Variants in BCL2L14 observed in about 807,000 individuals in gnomAD.
BCL2L14 encodes the protein apoptosis facilitator Bcl-2-like protein 14.
Under a neutral mutation model 35.3 loss-of-function variants are expected in BCL2L14, and 27 were observed. The observed-to-expected ratio is 0.76, with a 90% CI of 0.56 to 1.05. BCL2L14 has a LOEUF of 1.05. Ranked by LOEUF, BCL2L14 falls within the 50% of genes least tolerant of loss-of-function variation. The probability of loss-of-function intolerance (pLI) is 0.00; values close to 1 mark genes in which losing one functional copy is unlikely to be tolerated. For synonymous variants in BCL2L14, 139 were observed against 145.9 expected, an observed-to-expected ratio of 0.95 and a Z score of 0.34; for missense variants, 377 against 382.6, an observed-to-expected ratio of 0.99 and a Z score of 0.12.
upstream of BCL2L14, among the ~76,000 whole-genome samples, chr12:12,069,969 C>G (rs181689496): frequency 1.8e-4 from 28 of 152,282 alleles, no homozygotes; most frequent in African/African-American, 6.7e-4. Flanking sequence ...ACTATTCACA[C>G]TTCCTTCATC....
At chr12:12,066,719 T>G (rs948005338), upstream of BCL2L14, among the ~76,000 whole-genome samples, 7 of 149,444 alleles carry the variant, frequency 4.7e-5, no homozygotes, top group African/African-American at 1.7e-4. Context: ...ATTATTATTT[T>G]TTTTTTTTTT....
At chr12:12,051,466 C>A (rs1388368679) in intron 1 of BCL2L14, among the ~76,000 whole-genome samples, 1 of 152,126 alleles carries the variant, frequency 6.6e-6, no homozygotes, top group Non-Finnish European at 1.5e-5. Flanking sequence ...GCTTGAATAC[C>A]TTAACTCGCC....
chr12:12,090,648 A>T lies in BCL2L14; in HGVS notation c.608-131A>T, dbSNP rs1040757980. 1,515 of 484,898 alleles carry T rather than the reference A, an allele frequency of 3.1e-3. 1 individual carries two copies. Among genetic ancestry groups the T allele is most frequent in the Middle Eastern group, 5.1e-3 (9 of 1,772 alleles). The allele number at this position is 484,898 out of a possible 1,614,324, so 30.0% of individuals were successfully genotyped here. A position where few individuals can be genotyped will look rare whatever the true frequency, so the allele number is the denominator to read the frequency against. ...AACTCTGTCTAAAAAATAAAAAATAAAAAAAAAAAAAAGAATTAGCATGCC... is the reference window on the plus strand; with the variant it reads ...AACTCTGTCTAAAAAATAAAAAATATAAAAAAAAAAAAGAATTAGCATGCC... On this transcript the variant is annotated intron_variant, in intron 3 of 5. Coordinates refer to ENST00000308721, the MANE Select transcript of BCL2L14 (RefSeq NM_138723.2).
intron 2 of BCL2L14, among the ~76,000 whole-genome samples, chr12:12,084,881 G>T (rs1408881542): frequency 6.6e-6 from 1 of 151,858 alleles, no homozygotes; most frequent in Non-Finnish European, 1.5e-5. Flanking sequence ...AGACCAGCCT[G>T]GCCAACATGG....
At chr12:12,069,495 C>T (rs1302670773), upstream of BCL2L14, among the ~76,000 whole-genome samples, 1 of 150,896 alleles carries the variant, frequency 6.6e-6, no homozygotes, top group Non-Finnish European at 1.5e-5. Flanking sequence ...GTCAGGAGAT[C>T]GAGGCCATCC....
intron 5 of BCL2L14, among the ~76,000 whole-genome samples, chr12:12,096,977 A>G (rs970248241): frequency 1.1e-4 from 17 of 152,264 alleles, no homozygotes; most frequent in Middle Eastern, 3.4e-3. Context: ...CCCCGTCTCT[A>G]CTAAAAATAC....
intron 2 of BCL2L14, among the ~76,000 whole-genome samples, chr12:12,061,082 A>C (rs1449743418): frequency 9.3e-6 from 1 of 107,670 alleles, no homozygotes; most frequent in African/African-American, 3.7e-5. Flanking sequence ...TCTAGTGCCA[A>C]CTTAGACAAT....
At chr12:12,075,884 T>A (rs183729944) in intron 1 of BCL2L14, among the ~76,000 whole-genome samples, 16 of 152,206 alleles carry the variant, frequency 1.1e-4, no homozygotes, top group African/African-American at 3.6e-4. Context: ...TTTATTTCTC[T>A]GTCCCCTGTA....
intron 5 of BCL2L14, among the ~76,000 whole-genome samples, chr12:12,096,741 T>A (rs1446634673): frequency 6.6e-6 from 1 of 152,164 alleles, no homozygotes; most frequent in African/African-American, 2.4e-5. Flanking sequence ...TTGACGTCGG[T>A]GAGGATGTGG....
Position 12,099,040 on chromosome 12 carries a change from C to G in BCL2L14, c.*52C>G. ...TCTTTGTCTACTGTGGTCCTGTGCA[C>G]GTTGGCCTCAGATGGACTACAGGAG... On this transcript the variant is annotated 3_prime_UTR_variant, in exon 6 of 6. Transcript: ENST00000308721. The G allele has an allele frequency of 7.2e-7, 1 of 1,389,594 alleles. No individual in the cohort carries two copies. 86.1% of individuals were successfully genotyped at this position (1,389,594 alleles called of 1,614,324 possible).
chr12:12,084,278 C>T (rs913043211), intron 2 of BCL2L14, among the ~76,000 whole-genome samples: 2 of 152,196 alleles, frequency 1.3e-5, no homozygotes, highest in African/African-American at 4.8e-5. Flanking sequence ...TTTTCGAGAG[C>T]TTTCTTGAAA....
chr12:12,097,145 A>T (rs931301884), intron 5 of BCL2L14, among the ~76,000 whole-genome samples: 2 of 152,180 alleles, frequency 1.3e-5, no homozygotes, highest in African/African-American at 4.8e-5. Flanking sequence ...ACTCTGTCTC[A>T]AAAAATAAAA....
intron 1 of BCL2L14, among the ~76,000 whole-genome samples, chr12:12,076,583 G>A (rs965141220): frequency 6.6e-6 from 1 of 152,104 alleles, no homozygotes; most frequent in Non-Finnish European, 1.5e-5. Flanking sequence ...TTTGCAACTT[G>A]CCCTTTGCTG....
chr12:12,085,635 G>T (rs1007118864), intron 2 of BCL2L14, among the ~76,000 whole-genome samples: 4 of 152,224 alleles, frequency 2.6e-5, no homozygotes, highest in Non-Finnish European at 2.9e-5. Flanking sequence ...TCCACCAGAG[G>T]ATGGCATCAT....
chr12:12,060,246 G>T (rs537130784), intron 2 of BCL2L14, among the ~76,000 whole-genome samples: 5 of 151,678 alleles, frequency 3.3e-5, no homozygotes, highest in Non-Finnish European at 7.4e-5. Flanking sequence ...GGTGGCTGGA[G>T]CTAAATTAAA....
intron 2 of BCL2L14, among the ~76,000 whole-genome samples, chr12:12,057,033 ATATTT>A (rs201254091): frequency 0.065 from 9,856 of 152,250 alleles, 413 homozygotes; most frequent in Non-Finnish European, 0.089. Flanking sequence ...CATGTGGCAA[ATATTT>A]TATTTAACTA....
chr12:12,064,402 CAAA>C (rs761363817), intron 2 of BCL2L14, among the ~76,000 whole-genome samples: 5 of 5,396 alleles, frequency 9.3e-4, no homozygotes, highest in Non-Finnish European at 1.4e-3. Flanking sequence ...AAAGCACACC[CAAA>C]AGGTGTGAGC....
intron 2 of BCL2L14, among the ~76,000 whole-genome samples, chr12:12,059,373 G>A (rs1736229207): frequency 3.3e-5 from 5 of 151,732 alleles, no homozygotes; most frequent in Admixed American, 3.3e-4. Context: ...CTTTTCTGGA[G>A]GAGAGGCAAG....
At chr12:12,095,637 C>T (rs765042650) in intron 5 of BCL2L14, 27 of 985,244 alleles carry the variant, frequency 2.7e-5, no homozygotes, top group South Asian at 9.4e-5. Flanking sequence ...CATTCCTAGG[C>T]GGACAGACCT....
Sources: gnomAD v4.1 joint callset for allele counts (sites outside exome capture counted in the v4.1 genomes callset) on GRCh38, gnomAD v4.1.1 for gene constraint, MANE v1.5 for transcripts, NCBI Gene and HGNC (gene_info 2026-07-23, HGNC 2026-07-21) for gene names.